GJB7: variants seen among roughly 807,000 people sequenced by gnomAD.
The protein encoded by GJB7 is gap junction beta-7 protein.
For synonymous variants in GJB7, 87 were observed against 95.2 expected (o/e 0.91, Z 0.50); for missense variants, 253 against 256.8 (o/e 0.99, Z 0.10).
chr6:87,291,893 A>G (rs886417049), intron 2 of GJB7: 1 of 152,346 alleles, frequency 6.6e-6, no homozygotes, highest in Non-Finnish European at 1.5e-5. Context: ...TTCCCATTAA[A>G]TAGACAAAAC....
intron 2 of GJB7, among the ~76,000 whole-genome samples, chr6:87,305,729 A>T (rs1038934217): frequency 2.6e-5 from 4 of 152,352 alleles, no homozygotes; most frequent in Middle Eastern, 3.4e-3. Context: ...GTCAATCCTA[A>T]GCCAAAAGAA....
intron 2 of GJB7, among the ~76,000 whole-genome samples, chr6:87,285,230 T>C (rs936190806): frequency 1.3e-5 from 2 of 152,212 alleles, no homozygotes; most frequent in Admixed American, 6.5e-5. Context: ...GCAAAATCTT[T>C]CTAGTTTATT....
chr6:87,290,007 C>T (rs1776139934), intron 2 of GJB7, among the ~76,000 whole-genome samples: 1 of 152,230 alleles, frequency 6.6e-6, no homozygotes, highest in African/African-American at 2.4e-5. Flanking sequence ...AATCCTTCAG[C>T]CTTCATACAC....
intron 1 of GJB7, among the ~76,000 whole-genome samples, chr6:87,328,194 G>T (rs180759813): frequency 0.011 from 1,698 of 152,192 alleles, 36 homozygotes; most frequent in African/African-American, 0.037. Flanking sequence ...TTTGCCTTTG[G>T]TTTGAATTTC....
chr6:87,327,787 T>G (rs1776866056), intron 1 of GJB7, among the ~76,000 whole-genome samples: 1 of 148,110 alleles, frequency 6.8e-6, no homozygotes, highest in Admixed American at 6.7e-5. Flanking sequence ...ATTTCCTGAA[T>G]CTGAATGTTG....
intron 2 of GJB7, among the ~76,000 whole-genome samples, chr6:87,306,166 A>T (rs945484317): frequency 1.6e-4 from 24 of 152,220 alleles, no homozygotes; most frequent in African/African-American, 5.1e-4. Context: ...CAAAAGCCAA[A>T]ATTGACAAAT....
chr6:87,303,402 A>G (rs1462571277), intron 2 of GJB7, among the ~76,000 whole-genome samples: 3 of 152,222 alleles, frequency 2.0e-5, no homozygotes, highest in African/African-American at 7.2e-5. Flanking sequence ...ACAGACTTTA[A>G]ACCAACAAAG....
intron 2 of GJB7, among the ~76,000 whole-genome samples, chr6:87,296,220 CA>C: frequency 6.6e-6 from 1 of 152,258 alleles, no homozygotes; most frequent in East Asian, 1.9e-4. Flanking sequence ...TGTGTGTGCA[CA>C]GGGATGTTAA....
chr6:87,315,731 G>A (rs1339794423), intron 2 of GJB7, among the ~76,000 whole-genome samples: 1 of 150,674 alleles, frequency 6.6e-6, no homozygotes. Context: ...GGGAGGTGGA[G>A]GTTGCAGTGA....
intron 2 of GJB7, among the ~76,000 whole-genome samples, chr6:87,315,313 C>T (rs548171201): frequency 3.0e-4 from 45 of 152,134 alleles, no homozygotes; most frequent in Non-Finnish European, 5.0e-4. Context: ...TATCTTTCCT[C>T]CTGTCCAAAG....
At chr6:87,294,237 C>G (rs1363645059) in intron 2 of GJB7, among the ~76,000 whole-genome samples, 1 of 152,176 alleles carries the variant, frequency 6.6e-6, no homozygotes, top group African/African-American at 2.4e-5. Context: ...TTAATAGTTG[C>G]CTCTTCAGTG....
chr6:87,312,996 G>A (rs1414715682), intron 2 of GJB7, among the ~76,000 whole-genome samples: 1 of 152,174 alleles, frequency 6.6e-6, no homozygotes, highest in Non-Finnish European at 1.5e-5. Context: ...GTCCTCTCCT[G>A]GAGATTTCAG....
chr6:87,321,308 C>T (rs563947256), intron 2 of GJB7, among the ~76,000 whole-genome samples: 3 of 151,432 alleles, frequency 2.0e-5, no homozygotes, highest in South Asian at 2.1e-4. Flanking sequence ...GACAGCTTTG[C>T]GAGGCCATTT....
intron 2 of GJB7, among the ~76,000 whole-genome samples, chr6:87,297,605 T>C: frequency 6.6e-6 from 1 of 152,224 alleles, no homozygotes; most frequent in East Asian, 1.9e-4. Context: ...GAATTATCTT[T>C]GTTGATTCTC....
intron 2 of GJB7, chr6:87,299,032 T>C: frequency 2.0e-6 from 1 of 505,268 alleles, no homozygotes; most frequent in Admixed American, 2.0e-5. Context: ...AACATAAAAA[T>C]ATTGGAGTTA....
chr6:87,327,782 C>T (rs1245543949), intron 1 of GJB7, among the ~76,000 whole-genome samples: 3 of 147,400 alleles, frequency 2.0e-5, no homozygotes. Flanking sequence ...TCTGTATTTC[C>T]TGAATCTGAA....
intron 2 of GJB7, among the ~76,000 whole-genome samples, chr6:87,287,125 C>T (rs1776074244): frequency 6.6e-6 from 1 of 152,212 alleles, no homozygotes; most frequent in South Asian, 2.1e-4. Flanking sequence ...AAGACAAAAT[C>T]TTCCCAGTTG....
At chr6:87,315,795 C>CAAAAAAAAAAAA (rs1161194601) in intron 2 of GJB7, among the ~76,000 whole-genome samples, 24 of 72,198 alleles carry the variant, frequency 3.3e-4, no homozygotes, top group East Asian at 9.6e-4. Flanking sequence ...GACTCTATCT[C>CAAAAAAAAAAAA]AAAAAAAAAA....
At chr6:87,302,256 T>C (rs1241842329) in intron 2 of GJB7, among the ~76,000 whole-genome samples, 6 of 151,700 alleles carry the variant, frequency 4.0e-5, no homozygotes, top group Non-Finnish European at 8.8e-5. Context: ...TTCGAATGCA[T>C]CGCAAAGAAG....
Sources: gnomAD v4.1 joint callset for allele counts (sites outside exome capture counted in the v4.1 genomes callset) on GRCh38, gnomAD v4.1.1 for gene constraint, MANE v1.5 for transcripts, NCBI Gene and HGNC (gene_info 2026-07-23, HGNC 2026-07-21) for gene names.